Variants in PIR observed in about 807,000 individuals in gnomAD.
PIR encodes the protein pirin (iron-binding nuclear protein).
PIR carries 22 observed loss-of-function variants against 24.2 expected under a neutral mutation model. That is an observed-to-expected ratio of 0.91 (90% CI 0.65 to 1.30). The LOEUF is 1.30. PIR is among the 50% of genes most tolerant of loss of function. The probability of loss-of-function intolerance (pLI) is 0.00; values close to 1 mark genes in which losing one functional copy is unlikely to be tolerated. For synonymous variants in PIR, 80 were observed against 79.6 expected (o/e 1.00, Z -0.03); for missense variants, 220 against 220.3 (o/e 1.00, Z 0.01).
At chrX:15,484,851 A>G (rs1220513770) in intron 2 of PIR, among the ~76,000 whole-genome samples, 1 of 112,388 alleles carries the variant, frequency 8.9e-6, no homozygotes, top group Non-Finnish European at 1.9e-5. Context: ...CTATTTGTAC[A>G]CAAAGCGTTG....
intron 2 of PIR, among the ~76,000 whole-genome samples, chrX:15,486,060 T>C (rs896253491): frequency 2.2e-4 from 24 of 109,601 alleles, no homozygotes; most frequent in Admixed American, 2.2e-3. Context: ...TTTAGTCTCT[T>C]AAGGCCAATC....
chrX:15,418,965 T>C (rs543255016), intron 6 of PIR, among the ~76,000 whole-genome samples: 1 of 111,716 alleles, frequency 9.0e-6, no homozygotes, highest in African/African-American at 3.3e-5. Context: ...CCCTTTACCA[T>C]GAGTAACAAA....
chrX:15,471,537 C>T (rs1042951607), intron 3 of PIR, among the ~76,000 whole-genome samples: 1 of 111,583 alleles, frequency 9.0e-6, no homozygotes, highest in Admixed American at 9.5e-5. Context: ...CTATAATACT[C>T]CTCCACCTCC....
chrX:15,485,624 G>A (rs771923833), intron 2 of PIR, among the ~76,000 whole-genome samples: 77 of 112,105 alleles, frequency 6.9e-4, no homozygotes, highest in Non-Finnish European at 8.1e-4. Context: ...AAGAAGCTAG[G>A]GGGCTGATTG....
intron 5 of PIR, among the ~76,000 whole-genome samples, chrX:15,426,632 C>G (rs775185632): frequency 2.0e-4 from 22 of 112,366 alleles, no homozygotes; most frequent in African/African-American, 6.5e-4. Flanking sequence ...GGGATTAGAA[C>G]TGTTGCTACA....
At chrX:15,443,386 CCTG>C (rs1925984276) in intron 5 of PIR, among the ~76,000 whole-genome samples, 1 of 111,406 alleles carries the variant, frequency 9.0e-6, no homozygotes. Flanking sequence ...GATTAATGGG[CCTG>C]CTAACACAAC....
chrX:15,460,988 G>A (rs916885547), intron 3 of PIR, among the ~76,000 whole-genome samples: 4 of 112,056 alleles, frequency 3.6e-5, no homozygotes, highest in African/African-American at 1.3e-4. Flanking sequence ...TCTGTGACTG[G>A]GCCACATTAG....
At chrX:15,405,626 C>T (rs1924529724) in intron 7 of PIR, among the ~76,000 whole-genome samples, 1 of 112,353 alleles carries the variant, frequency 8.9e-6, no homozygotes, top group Non-Finnish European at 1.9e-5. Flanking sequence ...GGGAGCACTA[C>T]CTCCATAAAA....
intron 7 of PIR, among the ~76,000 whole-genome samples, chrX:15,399,754 C>G (rs1031782911): frequency 9.0e-6 from 1 of 111,279 alleles, no homozygotes; most frequent in Non-Finnish European, 1.9e-5. Flanking sequence ...GCTACTAGAT[C>G]ATGTTATGTC....
intron 5 of PIR, among the ~76,000 whole-genome samples, chrX:15,435,898 C>T (rs1455957264): frequency 8.9e-6 from 1 of 112,592 alleles, no homozygotes; most frequent in Non-Finnish European, 1.9e-5. Flanking sequence ...TCTTCTGTAT[C>T]CAATCCAAAG....
At chrX:15,419,201 G>T (rs987058745) in intron 6 of PIR, among the ~76,000 whole-genome samples, 1 of 111,444 alleles carries the variant, frequency 9.0e-6, no homozygotes, top group Non-Finnish European at 1.9e-5. Flanking sequence ...TTACCATCCA[G>T]TATGTCTGAT....
intron 7 of PIR, among the ~76,000 whole-genome samples, chrX:15,404,297 G>A (rs751451199): frequency 3.6e-5 from 4 of 112,118 alleles, no homozygotes; most frequent in South Asian, 7.3e-4. Context: ...CACCATGCCC[G>A]GCTGTGGAGC....
At position 15,457,190 on chromosome X, in the gene PIR, T is replaced by G. The variant is rs142322727; in HGVS notation, c.274-1136A>C. 7.4e-3 allele frequency among the ~76,000 whole-genome samples: 829 copies of G among 111,850 alleles called. 10 individuals are homozygous for G. Among genetic ancestry groups the G allele is most frequent in the African/African-American group, 0.025 (782 of 30,758 alleles). On this transcript the variant is annotated intron_variant, in intron 4 of 9. Transcript: ENST00000380420. ...ATGGAGAAGAGGGGAAGCTAGGGTATTTAGACTCTAATTCCCATCCTTCAC... is the reference window on the plus strand; with the variant it reads ...ATGGAGAAGAGGGGAAGCTAGGGTAGTTAGACTCTAATTCCCATCCTTCAC...
chrX:15,479,343 C>A (rs745794046), intron 3 of PIR, among the ~76,000 whole-genome samples: 6 of 106,347 alleles, frequency 5.6e-5, no homozygotes, highest in African/African-American at 2.0e-4. Flanking sequence ...AGGTTTTTTT[C>A]TTTCTTTTTT....
intron 5 of PIR, among the ~76,000 whole-genome samples, chrX:15,454,366 AG>A (rs1921002543): frequency 9.0e-6 from 1 of 110,966 alleles, no homozygotes; most frequent in African/African-American, 3.3e-5. Context: ...GACAGCAGTC[AG>A]GTATGCTTAA....
At chrX:15,425,411 C>CTTTTTTTT (rs756160029) in intron 6 of PIR, among the ~76,000 whole-genome samples, 46 of 92,076 alleles carry the variant, frequency 5.0e-4, no homozygotes, top group African/African-American at 1.7e-3. Context: ...TTCTTTCTTT[C>CTTTTTTTT]TTTTTTTTTT....
At chrX:15,405,323 T>C (rs1035641410) in intron 7 of PIR, among the ~76,000 whole-genome samples, 3 of 112,140 alleles carry the variant, frequency 2.7e-5, no homozygotes, top group African/African-American at 9.7e-5. Context: ...AAACATGAAA[T>C]TCACATTTCA....
intron 8 of PIR, among the ~76,000 whole-genome samples, chrX:15,396,925 G>A (rs1237457901): frequency 1.8e-5 from 2 of 111,008 alleles, no homozygotes; most frequent in Admixed American, 1.9e-4. Context: ...TATTTTTAGT[G>A]GACACGGGGT....
At chrX:15,397,253 G>A (rs1924194723) in intron 8 of PIR, among the ~76,000 whole-genome samples, 196 bp downstream of exon 8, 1 of 111,990 alleles carries the variant, frequency 8.9e-6, no homozygotes, top group Admixed American at 9.4e-5. Context: ...TGAAGATAAA[G>A]AATCAATAAA....
Sources: gnomAD v4.1 joint callset for allele counts (sites outside exome capture counted in the v4.1 genomes callset) on GRCh38, gnomAD v4.1.1 for gene constraint, MANE v1.5 for transcripts, NCBI Gene and HGNC (gene_info 2026-07-23, HGNC 2026-07-21) for gene names.